The following XPC variants were observed in gnomAD, a reference collection of about 807,000 sequenced individuals.
XPC encodes DNA repair protein complementing XP-C cells.
In XPC, 76 loss-of-function variants were observed where a neutral mutation model predicts 95.8. That is an observed-to-expected ratio of 0.79 (90% CI 0.66 to 0.96). The LOEUF (loss-of-function observed/expected upper bound fraction) is 0.96. XPC is among the 40% of genes least tolerant of loss of function. The pLI, the probability that XPC is intolerant of heterozygous loss-of-function variation, is 0.00. For synonymous variants in XPC, 442 were observed against 442.1 expected (o/e 1.00, Z 0.00); for missense variants, 1,146 against 1,179.8 (o/e 0.97, Z 0.42).
In XPC at chr3:14,146,076, C is replaced by T. The variant is rs368832210; in HGVS notation, c.2688G>A (p.Ala896=). The change falls in exon 16 of 16, where the codon GCG becomes GCA. Residue 896 remains alanine (A), a synonymous_variant. Transcript: ENST00000285021. ...GCCAGGAGGCAGCCAGTATCCTGGC[C>T]GCTTCTGCTTGAGAGCTGGTCCCCT... The part of the protein sequence containing the change: ...EEEGTSSQAE[A]ARILAASWPQ... 117 of 1,612,328 alleles carry T rather than the reference C, an allele frequency of 7.3e-5. 1 individual carries two copies. Among genetic ancestry groups the T allele is most frequent in the East Asian group, 2.9e-4 (13 of 44,834 alleles).
Position 14,146,064 on chromosome 3 carries a change from C to T in XPC, c.2700G>A (p.Leu900=), listed in dbSNP as rs769093612. The change falls in exon 16 of 16, where the codon CTG becomes CTA. Residue 900 remains leucine, a synonymous_variant. Coordinates refer to ENST00000285021, the MANE Select transcript of XPC (RefSeq NM_004628.5). ...CTCGGTTTTGAGGCCAGGAGGCAGC[C>T]AGTATCCTGGCCGCTTCTGCTTGAG... The part of the protein sequence containing the change: ...TSSQAEAARI[L]AASWPQNRED... The T allele has an allele frequency of 1.2e-6, 2 of 1,612,774 alleles. No individual in the cohort carries two copies. The highest frequency in any genetic ancestry group is 2.7e-5 in the African/African-American group (2 of 74,738).
chr3:14,164,704 TG>T (rs1696301568), intron 7 of XPC, 108 bp downstream of exon 7: 4 of 1,140,148 alleles, frequency 3.5e-6, no homozygotes, highest in Non-Finnish European at 5.0e-6. Flanking sequence ...TTATGAGGAC[TG>T]AATAAGGTAG....
chr3:14,157,739 A>G (rs1695976695), intron 9 of XPC, among the ~76,000 whole-genome samples: 1 of 152,106 alleles, frequency 6.6e-6, no homozygotes, highest in South Asian at 2.1e-4. Flanking sequence ...TAAAGCTCCA[A>G]ATTTATAACT....
At chr3:14,154,185 C>T (rs1023884384) in intron 10 of XPC, among the ~76,000 whole-genome samples, 5 of 152,124 alleles carry the variant, frequency 3.3e-5, no homozygotes, top group East Asian at 1.9e-4. Flanking sequence ...TGTGGACTGT[C>T]GGTGAAAATG....
In XPC at chr3:14,147,314, C is replaced by G; in HGVS notation, c.2580G>C (p.Arg860Ser). 1 of 1,611,812 alleles carries G rather than the reference C, an allele frequency of 6.2e-7. No individual in the cohort carries two copies. The highest frequency in any genetic ancestry group is 8.5e-7 in the Non-Finnish European group (1 of 1,179,096). ...LLAKGLLIRE[R>S]LKRRYGPKSE... ...CCTTGGGCCCGTAGCGACGCTTCAG[C>G]CTCTCCCTGATGAGCAGACCTTTGG... Residue 860 changes from arginine (R) to serine (S), a missense_variant, in exon 15 of 16, where the codon AGG becomes AGC. By Grantham distance (110) the Arg-to-Ser change is moderately radical (BLOSUM62 -1). Coordinates refer to ENST00000285021, the MANE Select transcript of XPC (RefSeq NM_004628.5).
chr3:14,164,528 C>A, intron 7 of XPC: 1 of 287,472 alleles, frequency 3.5e-6, no homozygotes, highest in Non-Finnish European at 6.4e-6. Flanking sequence ...CACATCTGAC[C>A]AAAAACTACG....
intron 3 of XPC, 136 bp downstream of exon 3, chr3:14,170,295 AAGTCCCT>A: frequency 1.4e-6 from 1 of 703,906 alleles, no homozygotes. Flanking sequence ...ATATCAAAGC[AAGTCCCT>A]AGTACAACCT....
At chr3:14,155,326 AT>A in intron 10 of XPC, among the ~76,000 whole-genome samples, 1 of 151,908 alleles carries the variant, frequency 6.6e-6, no homozygotes, top group Non-Finnish European at 1.5e-5. Context: ...AACATCTCCT[AT>A]TTCTTGGTCT....
rs1696313073 is a variant in XPC at position 14,164,906 on chromosome 3, T to C, written c.807A>G (p.Ala269=). The C allele has an allele frequency of 5.6e-6, 9 of 1,612,742 alleles. No individual in the cohort carries two copies. Among genetic ancestry groups the C allele is most frequent in the Non-Finnish European group, 6.8e-6 (8 of 1,179,338 alleles). The change falls in exon 7 of 16, where the codon GCA becomes GCG. Residue 269 remains alanine, a synonymous_variant. Coordinates refer to ENST00000285021, the MANE Select transcript of XPC (RefSeq NM_004628.5). Reference sequence around the variant, plus strand: ...TATCTTGTTCACTGGCTGAAAGTTCTGCATTAACTGTAAATGTTCCAATGA... The same window carrying C: ...TATCTTGTTCACTGGCTGAAAGTTCCGCATTAACTGTAAATGTTCCAATGA... ...KWFIGTFTVN[A]ELSASEQDNL...
At chr3:14,166,276 G>A (rs1696375047) in intron 5 of XPC, among the ~76,000 whole-genome samples, 1 of 151,724 alleles carries the variant, frequency 6.6e-6, no homozygotes. Context: ...CCTCAAACCT[G>A]AGAGTCATCT....
intron 13 of XPC, 81 bp downstream of exon 13, chr3:14,148,481 C>T: frequency 6.4e-7 from 1 of 1,557,062 alleles, no homozygotes; most frequent in Non-Finnish European, 8.7e-7. Context: ...CCAGCAGCCC[C>T]ATGCCAGCTT....
At chr3:14,164,612 A>C (rs912682286) in intron 7 of XPC, 2 of 521,544 alleles carry the variant, frequency 3.8e-6, no homozygotes, top group African/African-American at 4.0e-5. Flanking sequence ...CTCTGATCCC[A>C]ATCTCGATTC....
At chr3:14,172,840 C>G (rs759296398) in intron 2 of XPC, 27 bp downstream of exon 2, 6 of 1,596,662 alleles carry the variant, frequency 3.8e-6, no homozygotes, top group South Asian at 1.1e-5. Context: ...AATCAAGACC[C>G]GAGACAAAGC....
intron 3 of XPC, among the ~76,000 whole-genome samples, chr3:14,169,367 A>C (rs1696519840): frequency 6.6e-6 from 1 of 152,258 alleles, no homozygotes; most frequent in Admixed American, 6.5e-5. Context: ...TATTGAAACA[A>C]GTTTAACACC....
At position 14,146,100 on chromosome 3, in the gene XPC, C is replaced by G; in HGVS notation, c.2664G>C (p.Glu888Asp). ...CCGCTTCTGCTTGAGAGCTGGTCCCCTCCTCTTCATCAGAAGAGAGTCCAC... is the reference window on the plus strand; with the variant it reads ...CCGCTTCTGCTTGAGAGCTGGTCCCGTCCTCTTCATCAGAAGAGAGTCCAC... ...AGGGLSSDEEEGTSSQAEAAR... is the reference protein window; with the variant it reads ...AGGGLSSDEEDGTSSQAEAAR... The change falls in exon 16 of 16, where the codon GAG becomes GAC. Residue 888 changes from glutamate (E) to aspartate (D), a missense_variant. Glu to Asp is a conservative substitution (Grantham distance 45). Coordinates refer to ENST00000285021, the MANE Select transcript of XPC (RefSeq NM_004628.5). 6.2e-7 allele frequency: 1 copy of G among 1,612,140 alleles called. No homozygotes were observed. Among genetic ancestry groups the G allele is most frequent in the Non-Finnish European group, 8.5e-7 (1 of 1,179,446 alleles).
rs1260189637 is a variant in XPC, at chr3:14,173,037, TG to T, written c.128del (p.Pro43GlnfsTer36). ...EEDAFEDEKP[P>X]KKSLLSKVSQ... ...AAACTTTGGAGAGAAGGCTCTTCTTTGGGGGTTTCTCATCTTCAAAGGCATC... is the reference window on the plus strand; with the variant it reads ...AAACTTTGGAGAGAAGGCTCTTCTTTGGGGTTTCTCATCTTCAAAGGCATC... On this transcript the variant is annotated frameshift_variant, in exon 2 of 16. Coordinates refer to ENST00000285021, the MANE Select transcript of XPC (RefSeq NM_004628.5). LOFTEE classifies it high-confidence loss of function. 5.0e-6 allele frequency: 8 copies of T among 1,595,786 alleles called. No homozygotes were observed. Among genetic ancestry groups the T allele is most frequent in the Non-Finnish European group, 6.8e-6 (8 of 1,171,658 alleles).
chr3:14,158,385 C>A lies in XPC; in HGVS notation c.1498G>T (p.Ala500Ser), dbSNP rs753870944. ...TTACTGCTTGAAGAGCTTGAGGATG[C>A]CGCTGGCAAGCTTGGGTCCTTACGA... Reference protein sequence around the residue: ...SHRKDPSLPAASSSSSSSKRG... With the variant: ...SHRKDPSLPASSSSSSSSKRG... The change falls in exon 9 of 16, where the codon GCA becomes TCA. Residue 500 changes from alanine (A) to serine (S), a missense_variant. Transcript: ENST00000285021. The surrounding 1 kb of genome is among the most constrained non-coding windows in gnomAD (Gnocchi z 5.2). The A allele has an allele frequency of 6.2e-7, 1 of 1,613,866 alleles. No individual in the cohort carries two copies. The highest frequency in any genetic ancestry group is 1.7e-5 in the Admixed American group (1 of 60,018).
intron 1 of XPC, among the ~76,000 whole-genome samples, chr3:14,175,928 C>T (rs549137177): frequency 6.6e-6 from 1 of 152,340 alleles, no homozygotes; most frequent in South Asian, 2.1e-4. Flanking sequence ...TGACTGCTAG[C>T]TCCTCTGGCT....
chr3:14,159,031 T>C (rs1696062191), intron 8 of XPC, 139 bp from the exon 9 acceptor site: 2 of 1,116,170 alleles, frequency 1.8e-6, no homozygotes, highest in Admixed American at 4.5e-5. Context: ...CAGACAGTGA[T>C]CAACCAGCTA....
Sources: allele counts gnomAD v4.1 joint callset (sites outside exome capture counted in the v4.1 genomes callset), GRCh38; gene constraint gnomAD v4.1.1; non-coding constraint Gnocchi (gnomAD v3.1); transcripts MANE v1.5; gene names NCBI Gene and HGNC (gene_info 2026-07-23, HGNC 2026-07-21).